GRIA1: variants seen among roughly 807,000 people sequenced by gnomAD.
GRIA1 encodes the protein glutamate receptor 1.
In GRIA1, 31 loss-of-function variants were observed where a neutral mutation model predicts 99.2. The observed-to-expected ratio is 0.31, with a 90% CI of 0.23 to 0.42. The LOEUF is 0.42. Among genes scored for constraint, GRIA1 ranks in the 10% least tolerant of loss-of-function variants. The pLI, the probability that GRIA1 is intolerant of heterozygous loss-of-function variation, is 1.00. For synonymous variants in GRIA1, 438 were observed against 432.4 expected (o/e 1.01, Z -0.16); for missense variants, 782 against 1,157.5 (o/e 0.68, Z 4.71).
intron 1 of GRIA1, among the ~76,000 whole-genome samples, chr5:153,491,520 G>A (rs1265068485): frequency 2.0e-5 from 3 of 152,046 alleles, no homozygotes. Context: ...CCACTCCAAG[G>A]CGGGTAGGCT....
intron 11 of GRIA1, among the ~76,000 whole-genome samples, chr5:153,758,447 T>C (rs1051520156): frequency 1.3e-5 from 2 of 151,430 alleles, no homozygotes; most frequent in African/African-American, 4.8e-5. Flanking sequence ...AGGAAAAAAA[T>C]TATAACAAAA....
At chr5:153,799,791 A>G (rs1765884693) in intron 14 of GRIA1, among the ~76,000 whole-genome samples, 1 of 152,062 alleles carries the variant, frequency 6.6e-6, no homozygotes, top group South Asian at 2.1e-4. Context: ...TGGGCCGGAG[A>G]CCTTCTTCTA....
intron 11 of GRIA1, among the ~76,000 whole-genome samples, chr5:153,758,666 C>A (rs1338224645): frequency 6.6e-6 from 1 of 151,866 alleles, no homozygotes; most frequent in Non-Finnish European, 1.5e-5. Flanking sequence ...AGACGATAAT[C>A]AAAGAAACAC....
In GRIA1 at chr5:153,529,964, G is replaced by A. The variant is rs150169395; in HGVS notation, c.220+35899G>A. On this transcript the variant is annotated intron_variant, in intron 2 of 15. Transcript: ENST00000285900. ...ATTTTCGAAGCAGATTCTAACCTCTGATCTGCTTCTGTGGTGGCCTCACTG... is the reference window on the plus strand; with the variant it reads ...ATTTTCGAAGCAGATTCTAACCTCTAATCTGCTTCTGTGGTGGCCTCACTG... Among the ~76,000 whole-genome samples the A allele has an allele frequency of 3.7e-3, 557 of 152,162 alleles. 5 individuals are homozygous for A. The highest frequency in any genetic ancestry group is 5.3e-3 in the Non-Finnish European group (361 of 67,998).
In GRIA1 at chr5:153,674,592, C is replaced by A. The variant is rs1484869973; in HGVS notation, c.792C>A (p.Ala264=). ...QLVNYTDTIP[A]KIMQQWKNSD... ...TGAACTACACAGACACTATTCCGGC[C>A]AAGATCATGCAGCAGTGGAAGAATA... Residue 264 remains alanine, a synonymous_variant, in exon 6 of 16, where the codon GCC becomes GCA. Transcript: ENST00000285900. 1 of 1,613,942 alleles carries A rather than the reference C, an allele frequency of 6.2e-7. No homozygotes were observed. The highest frequency in any genetic ancestry group is 1.3e-5 in the African/African-American group (1 of 74,890).
At chr5:153,691,700 G>A (rs1757771531) in intron 8 of GRIA1, among the ~76,000 whole-genome samples, 1 of 152,130 alleles carries the variant, frequency 6.6e-6, no homozygotes, top group Non-Finnish European at 1.5e-5. Context: ...ATCAGATATA[G>A]ACATAGCATC....
intron 8 of GRIA1, among the ~76,000 whole-genome samples, chr5:153,689,912 T>C (rs1757622778): frequency 6.6e-6 from 1 of 152,192 alleles, no homozygotes; most frequent in South Asian, 2.1e-4. Flanking sequence ...CCCCAGCCCT[T>C]TGAGTTGACC....
intron 2 of GRIA1, among the ~76,000 whole-genome samples, chr5:153,572,981 C>T (rs1762250297): frequency 6.6e-6 from 1 of 152,190 alleles, no homozygotes; most frequent in Non-Finnish European, 1.5e-5. Flanking sequence ...CCCAGAGAGT[C>T]TGGCCTTTCA....
intron 2 of GRIA1, among the ~76,000 whole-genome samples, chr5:153,526,922 C>G (rs1186436156): frequency 6.6e-6 from 1 of 152,176 alleles, no homozygotes; most frequent in Non-Finnish European, 1.5e-5. Context: ...AGTAATACTA[C>G]CCCACAGGGT....
At chr5:153,549,898 CA>C (rs942915336) in intron 2 of GRIA1, among the ~76,000 whole-genome samples, 7 of 152,222 alleles carry the variant, frequency 4.6e-5, no homozygotes, top group African/African-American at 1.7e-4. Context: ...ATTTGTCCTC[CA>C]TCCATTAAAT....
chr5:153,580,752 T>G (rs1043913466), intron 2 of GRIA1, among the ~76,000 whole-genome samples: 2 of 152,294 alleles, frequency 1.3e-5, no homozygotes, highest in African/African-American at 4.8e-5. Context: ...AACATCTCAT[T>G]AGAAGCTGAA....
chr5:153,569,261 A>G (rs1368050225), intron 2 of GRIA1, among the ~76,000 whole-genome samples: 1 of 152,234 alleles, frequency 6.6e-6, no homozygotes, highest in East Asian at 1.9e-4. Context: ...CAGATTTACA[A>G]GCACTTCGTT....
chr5:153,602,786 C>T (rs1345641638), intron 2 of GRIA1, among the ~76,000 whole-genome samples: 1 of 143,940 alleles, frequency 6.9e-6, no homozygotes, highest in Non-Finnish European at 1.5e-5. Context: ...CAGTCTTTTC[C>T]AAGGCCAAAG....
intron 2 of GRIA1, among the ~76,000 whole-genome samples, chr5:153,577,656 A>G (rs1390573453): frequency 6.6e-6 from 1 of 152,226 alleles, no homozygotes; most frequent in East Asian, 1.9e-4. Flanking sequence ...ACCTAAGTTC[A>G]AGACCCAAGT....
chr5:153,727,584 C>T (rs1404784551), intron 11 of GRIA1, among the ~76,000 whole-genome samples: 2 of 152,164 alleles, frequency 1.3e-5, no homozygotes, highest in Admixed American at 6.5e-5. Flanking sequence ...AATTCTTATA[C>T]ACCAATAACA....
At chr5:153,575,429 G>A (rs936768363) in intron 2 of GRIA1, among the ~76,000 whole-genome samples, 2 of 152,148 alleles carry the variant, frequency 1.3e-5, no homozygotes, top group Admixed American at 6.5e-5. Flanking sequence ...AAAGGGTAAC[G>A]AATTCAGCAG....
intron 2 of GRIA1, among the ~76,000 whole-genome samples, chr5:153,521,066 T>TTCGCAGA (rs1757095390): frequency 6.6e-6 from 1 of 152,044 alleles, no homozygotes; most frequent in African/African-American, 2.4e-5. Context: ...CAAAAACAAA[T>TTCGCAGA]GAGGAAAACT....
chr5:153,806,983 C>T (rs765335783), intron 15 of GRIA1, among the ~76,000 whole-genome samples: 4 of 152,336 alleles, frequency 2.6e-5, no homozygotes, highest in Non-Finnish European at 4.4e-5. Flanking sequence ...TCTCTCTGTC[C>T]TCCTTCAACC....
chr5:153,542,641 G>A (rs560503808), intron 2 of GRIA1, among the ~76,000 whole-genome samples: 88 of 152,314 alleles, frequency 5.8e-4, no homozygotes, highest in Non-Finnish European at 6.6e-4. Context: ...ATACAGTGGA[G>A]TGAACTAGCA....
Sources: allele counts gnomAD v4.1 joint callset (sites outside exome capture counted in the v4.1 genomes callset), GRCh38; gene constraint gnomAD v4.1.1; transcripts MANE v1.5; gene names NCBI Gene and HGNC (gene_info 2026-07-23, HGNC 2026-07-21).